Variants in NLK observed in about 807,000 individuals in gnomAD.
NLK encodes serine/threonine-protein kinase NLK.
A neutral mutation model predicts 59.0 loss-of-function variants in NLK; 11 were observed. That is an observed-to-expected ratio of 0.19 (90% CI 0.12 to 0.31). The LOEUF (loss-of-function observed/expected upper bound fraction) is 0.31, where lower values mean the gene tolerates loss of function less well. NLK is among the 10% of genes least tolerant of loss of function. NLK has a pLI of 1.00. For synonymous variants in NLK, 235 were observed against 235.9 expected (o/e 1.00, Z 0.03); for missense variants, 410 against 661.1 (o/e 0.62, Z 4.16).
At chr17:28,199,504 A>G (rs943660127), downstream of NLK, among the ~76,000 whole-genome samples, 1 of 151,998 alleles carries the variant, frequency 6.6e-6, no homozygotes, top group Non-Finnish European at 1.5e-5. Context: ...CGTCTCTACT[A>G]AAAACACAAA....
intron 1 of NLK, among the ~76,000 whole-genome samples, chr17:28,059,148 A>G (rs998263755): frequency 6.6e-6 from 1 of 151,988 alleles, no homozygotes; most frequent in African/African-American, 2.4e-5. Context: ...ATAAAGTACT[A>G]TAGTTGGTTC....
chr17:28,164,385 A>AG (rs1246334851), intron 5 of NLK, among the ~76,000 whole-genome samples: 1 of 152,076 alleles, frequency 6.6e-6, no homozygotes, highest in African/African-American at 2.4e-5. Context: ...AAAAAAAAAA[A>AG]AAAGTGAAAA....
intron 1 of NLK, among the ~76,000 whole-genome samples, chr17:28,056,140 T>A (rs899783972): frequency 6.6e-6 from 1 of 152,192 alleles, no homozygotes. Flanking sequence ...GTTTGTAGTA[T>A]TATTTAGAGT....
rs927414324 is a variant in NLK, at chr17:28,146,298, G to C, written c.644+13623G>C. ...ATTTTAAAGGAATAAATGAATTAAT[G>C]TACGTTGAACATTTGGCATACCACC... On this transcript the variant is annotated intron_variant, in intron 3 of 10. Coordinates refer to ENST00000407008, the MANE Select transcript of NLK (RefSeq NM_016231.5). 3.3e-5 allele frequency among the ~76,000 whole-genome samples: 5 copies of C among 152,030 alleles called. No homozygotes were observed. In the South Asian group the frequency reaches 1.0e-3, roughly 32 times the overall value.
rs74453825 is a variant in NLK at position 28,146,437 on chromosome 17, C to T, written c.644+13762C>T. Among the ~76,000 whole-genome samples the T allele has an allele frequency of 7.1e-3, 1,080 of 152,142 alleles. 18 individuals are homozygous for T. The highest frequency in any genetic ancestry group is 0.023 in the African/African-American group (934 of 41,484). On this transcript the variant is annotated intron_variant, in intron 3 of 10. Transcript: ENST00000407008. ...ATGATGATGATGATAGCAGCTACCA[C>T]CTAAATCGTTTTCTGTGTGCCAGGC... is the stretch of plus-strand genomic sequence containing the variant.
intron 9 of NLK, among the ~76,000 whole-genome samples, chr17:28,191,770 T>TGAG (rs1909315812): frequency 6.6e-6 from 1 of 152,188 alleles, no homozygotes; most frequent in Non-Finnish European, 1.5e-5. Flanking sequence ...AGATACCAAC[T>TGAG]GAGGTCTTTA....
At chr17:28,075,120 G>A (rs1162151396) in intron 1 of NLK, among the ~76,000 whole-genome samples, 1 of 152,154 alleles carries the variant, frequency 6.6e-6, no homozygotes, top group Non-Finnish European at 1.5e-5. Flanking sequence ...CTCACAAGGA[G>A]TATTGGCTGT....
chr17:28,144,465 T>C (rs888930329), intron 3 of NLK, among the ~76,000 whole-genome samples: 1 of 150,314 alleles, frequency 6.7e-6, no homozygotes, highest in Admixed American at 6.6e-5. Flanking sequence ...AATAAATATA[T>C]CTCTAAAACT....
chr17:28,056,154 G>A (rs1293944404), intron 1 of NLK, among the ~76,000 whole-genome samples: 2 of 152,120 alleles, frequency 1.3e-5, no homozygotes, highest in Non-Finnish European at 2.9e-5. Context: ...TTAGAGTTGG[G>A]ATCATGATCA....
At chr17:28,049,052 G>T (rs948904772) in intron 1 of NLK, 1 of 152,232 alleles carries the variant, frequency 6.6e-6, no homozygotes, top group African/African-American at 2.4e-5. Flanking sequence ...GTGTGATCCT[G>T]ATATTGCTTG....
At chr17:28,080,656 G>A (rs1910313545) in intron 1 of NLK, among the ~76,000 whole-genome samples, 1 of 152,166 alleles carries the variant, frequency 6.6e-6, no homozygotes, top group Non-Finnish European at 1.5e-5. Flanking sequence ...GCATTTGGAG[G>A]CATTGGAGCA....
intron 3 of NLK, among the ~76,000 whole-genome samples, chr17:28,137,266 G>A (rs1300245417): frequency 1.3e-5 from 2 of 152,104 alleles, no homozygotes; most frequent in African/African-American, 4.8e-5. Context: ...TTTGAGGTCT[G>A]TATGAAGTGC....
At chr17:28,125,058 A>G (rs967748077) in intron 2 of NLK, among the ~76,000 whole-genome samples, 2 of 152,144 alleles carry the variant, frequency 1.3e-5, no homozygotes, top group East Asian at 1.9e-4. Context: ...AAAAAAAAAG[A>G]CAAAAAAGAA....
At chr17:28,074,576 T>TA in intron 1 of NLK, among the ~76,000 whole-genome samples, 1 of 152,308 alleles carries the variant, frequency 6.6e-6, no homozygotes, top group South Asian at 2.1e-4. Context: ...GTGAATTACA[T>TA]AATTATTTCG....
chr17:28,147,160 C>T (rs558781132), intron 3 of NLK, among the ~76,000 whole-genome samples: 43 of 152,166 alleles, frequency 2.8e-4, no homozygotes, highest in Non-Finnish European at 4.9e-4. Context: ...TTAACATGTT[C>T]TCTACACCCA....
rs142900946 is a variant in NLK at position 28,161,607 on chromosome 17, A to G, written c.751+341A>G. Among the ~76,000 whole-genome samples, 242 of 152,328 alleles carry G rather than the reference A, an allele frequency of 1.6e-3. 2 individuals carry two copies. In the Middle Eastern group the frequency reaches 0.027, roughly 17 times the overall value. ...TAGGAATATGTGGCATCAGACGACTAAAGTGAAAAGTGACTATATCCCCTA... is the reference window on the plus strand; with the variant it reads ...TAGGAATATGTGGCATCAGACGACTGAAGTGAAAAGTGACTATATCCCCTA... On this transcript the variant is annotated intron_variant, in intron 4 of 10. Transcript: ENST00000407008.
At position 28,152,968 on chromosome 17, in the gene NLK, T is replaced by C. The variant is rs140519448; in HGVS notation, c.645-8192T>C. Among the ~76,000 whole-genome samples the C allele has an allele frequency of 5.5e-3, 833 of 151,836 alleles. 2 individuals carry two copies. Among genetic ancestry groups the C allele is most frequent in the Non-Finnish European group, 8.7e-3 (589 of 67,918 alleles). On this transcript the variant is annotated intron_variant, in intron 3 of 10. Transcript: ENST00000407008. ...TTTATTTTTTATTTTTTATTTTTTT[T>C]TCCTGTATAAAAGCTCAAGTTTCGG...
chr17:28,044,444 T>C (rs1044555278), intron 1 of NLK, among the ~76,000 whole-genome samples: 4 of 152,232 alleles, frequency 2.6e-5, no homozygotes, highest in Non-Finnish European at 5.9e-5. Flanking sequence ...GGCCATCTTA[T>C]TTATATTTCA....
At chr17:28,132,047 GC>G (rs1237564155) in intron 2 of NLK, among the ~76,000 whole-genome samples, 1 of 152,106 alleles carries the variant, frequency 6.6e-6, no homozygotes, top group African/African-American at 2.4e-5. Context: ...CTGCCACTCA[GC>G]CTTCAAATTC....
Sources: allele counts gnomAD v4.1 joint callset (sites outside exome capture counted in the v4.1 genomes callset), GRCh38; gene constraint gnomAD v4.1.1; transcripts MANE v1.5; gene names NCBI Gene and HGNC (gene_info 2026-07-23, HGNC 2026-07-21).